GALNTL6: variants seen among roughly 807,000 people sequenced by gnomAD.
The protein encoded by GALNTL6 is polypeptide N-acetylgalactosaminyltransferase-like 6.
A neutral mutation model predicts 73.7 loss-of-function variants in GALNTL6; 46 were observed. The ratio of observed to expected loss-of-function variants is 0.62; its 90% CI spans 0.49 to 0.80. The LOEUF (loss-of-function observed/expected upper bound fraction) is 0.80, where lower values mean the gene tolerates loss of function less well. Ranked by LOEUF, GALNTL6 falls within the 30% of genes least tolerant of loss-of-function variation. The pLI is 0.00. For synonymous variants in GALNTL6, 259 were observed against 263.7 expected (o/e 0.98, Z 0.17); for missense variants, 604 against 755.0 (o/e 0.80, Z 2.34).
chr4:172,871,168 G>A (rs998825486), intron 7 of GALNTL6, among the ~76,000 whole-genome samples: 2 of 152,282 alleles, frequency 1.3e-5, no homozygotes, highest in African/African-American at 4.8e-5. Flanking sequence ...CATGCCAAGG[G>A]CCAGGCCTTC....
At chr4:172,867,497 G>A (rs528773479) in intron 7 of GALNTL6, among the ~76,000 whole-genome samples, 6 of 152,260 alleles carry the variant, frequency 3.9e-5, no homozygotes, top group East Asian at 3.9e-4. Context: ...AATGAGAGAG[G>A]AAAATAGGCT....
intron 2 of GALNTL6, among the ~76,000 whole-genome samples, chr4:172,050,194 G>A (rs1730807729): frequency 1.3e-5 from 2 of 152,092 alleles, no homozygotes; most frequent in South Asian, 2.1e-4. Flanking sequence ...GGCTCACCGG[G>A]CCAAGGTTTG....
At chr4:172,962,567 A>T (rs1750133614) in intron 10 of GALNTL6, among the ~76,000 whole-genome samples, 1 of 152,204 alleles carries the variant, frequency 6.6e-6, no homozygotes, top group Non-Finnish European at 1.5e-5. Context: ...TGAAAAGGAG[A>T]ATGCAGACTC....
At chr4:171,957,935 G>A (rs757514248) in intron 2 of GALNTL6, among the ~76,000 whole-genome samples, 26 of 152,188 alleles carry the variant, frequency 1.7e-4, no homozygotes, top group Non-Finnish European at 3.2e-4. Flanking sequence ...TGAATTGCTT[G>A]TGATAACTGG....
At chr4:172,772,161 A>T (rs911280893) in intron 5 of GALNTL6, among the ~76,000 whole-genome samples, 3 of 152,000 alleles carry the variant, frequency 2.0e-5, no homozygotes, top group Admixed American at 6.6e-5. Flanking sequence ...GGAAAGACCT[A>T]CTCCCACGAT....
chr4:172,381,072 G>A (rs1743267203), intron 5 of GALNTL6, among the ~76,000 whole-genome samples: 1 of 152,172 alleles, frequency 6.6e-6, no homozygotes, highest in African/African-American at 2.4e-5. Flanking sequence ...TTTGCTGAAG[G>A]CATTGTAACA....
intron 2 of GALNTL6, among the ~76,000 whole-genome samples, chr4:171,910,769 G>A (rs1310236164): frequency 6.6e-6 from 1 of 151,978 alleles, no homozygotes; most frequent in Non-Finnish European, 1.5e-5. Context: ...GTAACATTTA[G>A]ATAATATAAT....
At chr4:172,674,050 T>G (rs576592116) in intron 5 of GALNTL6, among the ~76,000 whole-genome samples, 3 of 152,278 alleles carry the variant, frequency 2.0e-5, no homozygotes, top group African/African-American at 7.2e-5. Flanking sequence ...TGTGGTTGCT[T>G]TATAGTATCA....
intron 5 of GALNTL6, among the ~76,000 whole-genome samples, chr4:172,776,513 T>G (rs1739080359): frequency 1.3e-5 from 2 of 152,196 alleles, no homozygotes; most frequent in Admixed American, 1.3e-4. Context: ...ATTTAGATAT[T>G]TTTTTAGACC....
chr4:172,402,442 T>C (rs1199902264), intron 5 of GALNTL6, among the ~76,000 whole-genome samples: 1 of 152,112 alleles, frequency 6.6e-6, no homozygotes. Context: ...ACTATTGAAA[T>C]ACACTTAAAG....
chr4:172,454,087 G>A (rs913755245), intron 5 of GALNTL6, among the ~76,000 whole-genome samples: 4 of 152,096 alleles, frequency 2.6e-5, no homozygotes, highest in African/African-American at 7.2e-5. Flanking sequence ...TTCAGTGGAG[G>A]AAAAGATAAC....
At chr4:172,682,441 G>A (rs895426102) in intron 5 of GALNTL6, among the ~76,000 whole-genome samples, 1 of 152,116 alleles carries the variant, frequency 6.6e-6, no homozygotes, top group African/African-American at 2.4e-5. Flanking sequence ...AGAGTGAAAT[G>A]AAGGATAAGT....
At chr4:172,365,996 T>C (rs974998298) in intron 5 of GALNTL6, among the ~76,000 whole-genome samples, 7 of 152,172 alleles carry the variant, frequency 4.6e-5, no homozygotes, top group African/African-American at 1.7e-4. Flanking sequence ...AACCTGATGG[T>C]AGAAGATATG....
At chr4:172,745,319 T>A (rs1737045428) in intron 5 of GALNTL6, among the ~76,000 whole-genome samples, 1 of 151,852 alleles carries the variant, frequency 6.6e-6, no homozygotes, top group South Asian at 2.1e-4. Context: ...ATGAAGAAAC[T>A]GGAAATTCAT....
At chr4:172,229,057 T>C (rs1238917321) in intron 2 of GALNTL6, among the ~76,000 whole-genome samples, 1 of 152,228 alleles carries the variant, frequency 6.6e-6, no homozygotes, top group Non-Finnish European at 1.5e-5. Flanking sequence ...GTCCAAGTCC[T>C]GGCTCTGCCA....
intron 2 of GALNTL6, among the ~76,000 whole-genome samples, chr4:171,965,592 C>T (rs1739360962): frequency 1.4e-5 from 2 of 142,914 alleles, no homozygotes; most frequent in Non-Finnish European, 3.0e-5. Flanking sequence ...GGAAGCAGAG[C>T]TTGCAGTGAG....
In GALNTL6 at chr4:172,268,203, C is replaced by T. The variant is rs146903146; in HGVS notation, c.247+38439C>T. 5.2e-3 allele frequency among the ~76,000 whole-genome samples: 788 copies of T among 152,288 alleles called. 1 individual carries two copies. Among genetic ancestry groups the T allele is most frequent in the South Asian group, 0.031 (152 of 4,826 alleles). ...TTATTGCCAAATATATCAAATCCTA[C>T]ATTCTGTTTAATCTTTTGGAACCTA... On this transcript the variant is annotated intron_variant, in intron 3 of 12. Transcript: ENST00000506823.
intron 12 of GALNTL6, among the ~76,000 whole-genome samples, chr4:173,025,337 C>A (rs554264710): frequency 6.6e-6 from 1 of 152,180 alleles, no homozygotes; most frequent in Non-Finnish European, 1.5e-5. Flanking sequence ...CAGCATCAAA[C>A]AGGAAACTGT....
Position 171,821,289 on chromosome 4 carries a change from C to T in GALNTL6, c.138+6571C>T, listed in dbSNP as rs1169287368. ...CTCCTACTGTCAAGAGATCCCCCCA[C>T]TTCAGCCTCCCGAAGTGCCGGGATT... On this transcript the variant is annotated intron_variant, in intron 2 of 12. Coordinates refer to ENST00000506823, the MANE Select transcript of GALNTL6 (RefSeq NM_001034845.3). Among the ~76,000 whole-genome samples, 4 of 152,260 alleles carry T rather than the reference C, an allele frequency of 2.6e-5. No homozygotes were observed. The East Asian group carries it at 7.8e-4, about 30-fold the overall frequency.
Sources: gnomAD v4.1 joint callset for allele counts (sites outside exome capture counted in the v4.1 genomes callset) on GRCh38, gnomAD v4.1.1 for gene constraint, MANE v1.5 for transcripts, NCBI Gene and HGNC (gene_info 2026-07-23, HGNC 2026-07-21) for gene names.